ERCC6L2: variants seen among roughly 807,000 people sequenced by gnomAD.
ERCC6L2 encodes DNA excision repair protein ERCC-6-like 2.
A neutral mutation model predicts 132.0 loss-of-function variants in ERCC6L2; 77 were observed. The ratio of observed to expected loss-of-function variants is 0.58; its 90% CI spans 0.49 to 0.71. ERCC6L2 has a LOEUF of 0.71. Among genes scored for constraint, ERCC6L2 ranks in the 30% least tolerant of loss-of-function variants. The pLI is 0.00. For missense variants in ERCC6L2, 1,542 were observed against 1,837.6 expected (o/e 0.84, Z 2.94); for synonymous variants, 583 against 632.4 (o/e 0.92, Z 1.17).
intron 13 of ERCC6L2, among the ~76,000 whole-genome samples, chr9:95,957,774 G>T (rs1384739650): frequency 6.6e-6 from 1 of 151,844 alleles, no homozygotes; most frequent in Non-Finnish European, 1.5e-5. Context: ...ACTAAATATG[G>T]TTTAAAGATA....
In ERCC6L2 at chr9:96,004,710, T is replaced by C. The variant is rs772100812; in HGVS notation, c.3674+9T>C. 5 of 1,323,064 alleles carry C rather than the reference T, an allele frequency of 3.8e-6. No homozygotes were observed. The highest frequency in any genetic ancestry group is 1.2e-5 in the South Asian group (1 of 82,338). The allele number at this position is 1,323,064 out of a possible 1,614,324, so 82.0% of individuals were successfully genotyped here. On this transcript the variant is annotated intron_variant, in intron 18 of 18. Coordinates refer to ENST00000653738, the MANE Select transcript of ERCC6L2 (RefSeq NM_020207.7). ...CCAAAAGGAATCCGCAGGTATATTG[T>C]CTCTGACAATACTATACTTGAAGAA...
In ERCC6L2 at chr9:95,956,028, C is replaced by T; in HGVS notation, c.1947+15C>T. 2 of 1,476,958 alleles carry T rather than the reference C, an allele frequency of 1.4e-6. No individual in the cohort carries two copies. Among genetic ancestry groups the T allele is most frequent in the South Asian group, 1.2e-5 (1 of 80,434 alleles). The allele number at this position is 1,476,958 out of a possible 1,614,324, so 91.5% of individuals were successfully genotyped here. ...TATACAAGCAGGTAAATATGTTTCC[C>T]TTTTTCTGTTTCAGAGGTCAACATT... On this transcript the variant is annotated intron_variant, in intron 13 of 18. Transcript: ENST00000653738.
chr9:95,881,075 G>C lies in ERCC6L2; in HGVS notation c.253G>C (p.Asp85His). The change falls in exon 2 of 19, where the codon GAT (aspartate) becomes CAT (histidine). Residue 85 changes from aspartate to histidine, a missense_variant. Transcript: ENST00000653738. Reference protein sequence around the residue: ...VKDCPRNLIFDDEDLEKPYFP... With the variant: ...VKDCPRNLIFHDEDLEKPYFP... ...AGATTGCCCTAGGAATCTTATATTT[G>C]ATGATGAAGATTTAGAAAAACCTTA... 1 of 1,613,362 alleles carries C rather than the reference G, an allele frequency of 6.2e-7. No homozygotes were observed. The highest frequency in any genetic ancestry group is 8.5e-7 in the Non-Finnish European group (1 of 1,179,622).
chr9:95,898,788 C>T (rs1828601951), intron 3 of ERCC6L2, among the ~76,000 whole-genome samples: 1 of 152,132 alleles, frequency 6.6e-6, no homozygotes, highest in South Asian at 2.1e-4. Flanking sequence ...TACAAGATTG[C>T]TGAGAAGTCC....
downstream of ERCC6L2, among the ~76,000 whole-genome samples, chr9:96,018,521 C>T (rs111239691): frequency 0.014 from 2,079 of 151,846 alleles, 38 homozygotes; most frequent in Middle Eastern, 0.041. Flanking sequence ...AGTGCAATGG[C>T]GCAATCATAG....
chr9:95,918,411 A>G, intron 6 of ERCC6L2: 2 of 394,162 alleles, frequency 5.1e-6, no homozygotes, highest in East Asian at 6.7e-5. Flanking sequence ...AGAGATACTG[A>G]AGGAACAAGA....
At chr9:95,887,738 C>T (rs919156372) in intron 2 of ERCC6L2, among the ~76,000 whole-genome samples, 2 of 152,008 alleles carry the variant, frequency 1.3e-5, no homozygotes, top group Admixed American at 6.6e-5. Context: ...TTTTCAGTAC[C>T]TTTTTTGGAT....
chr9:95,956,719 C>A (rs953654507), intron 13 of ERCC6L2, among the ~76,000 whole-genome samples: 4 of 152,102 alleles, frequency 2.6e-5, no homozygotes, highest in African/African-American at 9.7e-5. Context: ...CTTGAGAACT[C>A]AATATCCTGA....
intron 19 of ERCC6L2, among the ~76,000 whole-genome samples, chr9:96,030,904 A>G (rs1834450973): frequency 6.6e-6 from 1 of 152,166 alleles, no homozygotes; most frequent in African/African-American, 2.4e-5. Context: ...ACCAAACCGC[A>G]GTGAAGCCTT....
At chr9:95,952,793 T>C (rs1831401083) in intron 12 of ERCC6L2, among the ~76,000 whole-genome samples, 1 of 151,858 alleles carries the variant, frequency 6.6e-6, no homozygotes, top group East Asian at 1.9e-4. Flanking sequence ...TTTGCTGAGA[T>C]TGCAACACTG....
At chr9:95,953,754 A>C (rs73536509) in intron 12 of ERCC6L2, among the ~76,000 whole-genome samples, 2,985 of 152,244 alleles carry the variant, frequency 0.02, 106 homozygotes, top group African/African-American at 0.069. Context: ...TATTAAGATA[A>C]AAATAAGAAC....
chr9:95,889,963 C>CT (rs1227337608), intron 2 of ERCC6L2, among the ~76,000 whole-genome samples: 3 of 152,150 alleles, frequency 2.0e-5, no homozygotes, highest in Non-Finnish European at 1.5e-5. Flanking sequence ...AATTTATGTT[C>CT]TACATCAGCC....
intron 11 of ERCC6L2, among the ~76,000 whole-genome samples, chr9:95,938,364 G>C (rs1830651490): frequency 6.6e-6 from 1 of 151,834 alleles, no homozygotes; most frequent in South Asian, 2.1e-4. Context: ...GTATGTCATT[G>C]GTTGGTCATT....
chr9:95,998,057 TTAAAACAG>T, intron 17 of ERCC6L2, among the ~76,000 whole-genome samples: 1 of 152,358 alleles, frequency 6.6e-6, no homozygotes, highest in East Asian at 1.9e-4. Flanking sequence ...GTGCTGCTGC[TTAAAACAG>T]CGGTTTTTCA....
At chr9:95,883,722 G>T (rs1200724507) in intron 2 of ERCC6L2, among the ~76,000 whole-genome samples, 3 of 152,170 alleles carry the variant, frequency 2.0e-5, no homozygotes, top group Non-Finnish European at 4.4e-5. Context: ...GCTGGGCATG[G>T]TGGCCCACGC....
intron 9 of ERCC6L2, among the ~76,000 whole-genome samples, chr9:95,925,237 G>A (rs898138619): frequency 1.3e-5 from 2 of 152,136 alleles, no homozygotes; most frequent in Admixed American, 6.6e-5. Flanking sequence ...CATTCAAGGG[G>A]TTAGTCACAA....
At chr9:95,922,517 T>A (rs1043879531) in intron 8 of ERCC6L2, 99 bp downstream of exon 8, 1 of 716,352 alleles carries the variant, frequency 1.4e-6, no homozygotes, top group African/African-American at 1.8e-5. Flanking sequence ...GGATGAAATT[T>A]AAGAGGAAAC....
chr9:95,985,064 C>A (rs1408327409), intron 17 of ERCC6L2, among the ~76,000 whole-genome samples: 1 of 152,168 alleles, frequency 6.6e-6, no homozygotes, highest in Non-Finnish European at 1.5e-5. Flanking sequence ...CAATTTGACC[C>A]AATTCAAGTT....
intron 8 of ERCC6L2, among the ~76,000 whole-genome samples, chr9:95,922,649 A>T (rs1829926970): frequency 6.6e-6 from 1 of 152,172 alleles, no homozygotes; most frequent in South Asian, 2.1e-4. Context: ...AATAATGTTC[A>T]TATCTTTATT....
Sources: gnomAD v4.1 joint callset for allele counts (sites outside exome capture counted in the v4.1 genomes callset) on GRCh38, gnomAD v4.1.1 for gene constraint, MANE v1.5 for transcripts, NCBI Gene and HGNC (gene_info 2026-07-23, HGNC 2026-07-21) for gene names.